The following AKAP19 variants were observed in gnomAD, a reference collection of about 807,000 sequenced individuals.
AKAP19 encodes the protein A-kinase anchoring protein 19.
the AKAP19 span, among the ~76,000 whole-genome samples, chr2:190,008,730 G>GCA: frequency 8.3e-3 from 1,002 of 120,672 alleles, 2 homozygotes; most frequent in Non-Finnish European, 0.013. Flanking sequence ...ATGTGCACGT[G>GCA]CACACACACA....
At chr2:190,194,019 G>A in the AKAP19 span, among the ~76,000 whole-genome samples, 4 of 152,060 alleles carry the variant, frequency 2.6e-5, no homozygotes, top group East Asian at 7.7e-4. Context: ...AATTTCTCCT[G>A]TGATTTTCTT....
At chr2:189,923,402 C>T in the AKAP19 span, 2 of 1,613,330 alleles carry the variant, frequency 1.2e-6, no homozygotes, top group African/African-American at 1.3e-5. Context: ...CATTGGGAAT[C>T]TCAACACTCT....
At chr2:189,926,742 G>A in the AKAP19 span, among the ~76,000 whole-genome samples, 10 of 150,106 alleles carry the variant, frequency 6.7e-5, no homozygotes, top group East Asian at 5.9e-4. Flanking sequence ...CACCATGCCC[G>A]GCTAATTTTT....
At chr2:190,202,932 C>A in the AKAP19 span, 1 of 167,054 alleles carries the variant, frequency 6.0e-6, no homozygotes, top group Non-Finnish European at 1.5e-5. Flanking sequence ...AAATTCTCTA[C>A]TTTTGTTGCC....
the AKAP19 span, among the ~76,000 whole-genome samples, chr2:189,949,083 A>T: frequency 1.3e-5 from 2 of 152,064 alleles, no homozygotes; most frequent in Non-Finnish European, 2.9e-5. Context: ...GGCATCCCCC[A>T]CCTCCCAGCA....
At chr2:190,015,402 C>CT in the AKAP19 span, among the ~76,000 whole-genome samples, 1 of 152,212 alleles carries the variant, frequency 6.6e-6, no homozygotes, top group Non-Finnish European at 1.5e-5. Context: ...ACATTGGCCC[C>CT]TTTTAGCCAT....
At chr2:190,041,040 T>C in the AKAP19 span, among the ~76,000 whole-genome samples, 1 of 152,232 alleles carries the variant, frequency 6.6e-6, no homozygotes, top group Non-Finnish European at 1.5e-5. Context: ...TAAAAATTAT[T>C]TTTTCTAGTT....
chr2:190,041,890 A>G, the AKAP19 span, among the ~76,000 whole-genome samples: 1 of 152,094 alleles, frequency 6.6e-6, no homozygotes, highest in African/African-American at 2.4e-5. Flanking sequence ...TGGATTAGCT[A>G]TTTGATGTGC....
the AKAP19 span, among the ~76,000 whole-genome samples, chr2:190,138,627 A>C: frequency 6.6e-6 from 1 of 152,170 alleles, no homozygotes; most frequent in Non-Finnish European, 1.5e-5. Context: ...ATTTATCTGC[A>C]AACCCACTTC....
chr2:189,983,161 G>T, the AKAP19 span, among the ~76,000 whole-genome samples: 2 of 152,148 alleles, frequency 1.3e-5, no homozygotes, highest in Admixed American at 6.5e-5. Context: ...AACCTAATCT[G>T]CTTCCTTATT....
At chr2:190,173,001 G>C in the AKAP19 span, among the ~76,000 whole-genome samples, 1 of 152,012 alleles carries the variant, frequency 6.6e-6, no homozygotes, top group Non-Finnish European at 1.5e-5. Context: ...TGCAATCTCA[G>C]CTACTCCAGA....
the AKAP19 span, among the ~76,000 whole-genome samples, chr2:189,892,364 C>T: frequency 2.6e-5 from 4 of 151,868 alleles, no homozygotes; most frequent in Non-Finnish European, 5.9e-5. Context: ...TTCTCATCTT[C>T]GTGGATTTAT....
At chr2:190,203,058 A>C in the AKAP19 span, 1 of 167,076 alleles carries the variant, frequency 6.0e-6, no homozygotes, top group African/African-American at 2.4e-5. Context: ...CTGCCTTATT[A>C]GTATTAAAAA....
chr2:189,934,392 C>T, the AKAP19 span, among the ~76,000 whole-genome samples: 2 of 151,930 alleles, frequency 1.3e-5, no homozygotes, highest in African/African-American at 4.8e-5. Flanking sequence ...TTGTAATTGG[C>T]CTTTATTCTA....
the AKAP19 span, among the ~76,000 whole-genome samples, chr2:190,157,250 C>T: frequency 2.6e-5 from 4 of 151,900 alleles, no homozygotes; most frequent in Middle Eastern, 3.2e-3. Flanking sequence ...TCTCTTTATG[C>T]CAGTAGATTT....
At chr2:190,200,868 A>AG in the AKAP19 span, 1 of 167,070 alleles carries the variant, frequency 6.0e-6, no homozygotes, top group Non-Finnish European at 1.5e-5. Context: ...GAAAACAAGT[A>AG]GGGGTACCTT....
the AKAP19 span, among the ~76,000 whole-genome samples, chr2:189,987,615 G>T: frequency 6.6e-6 from 1 of 152,202 alleles, no homozygotes; most frequent in Non-Finnish European, 1.5e-5. Context: ...GGCCACAGAA[G>T]ATTATGAACA....
the AKAP19 span, among the ~76,000 whole-genome samples, chr2:189,942,924 G>C: frequency 6.6e-6 from 1 of 152,290 alleles, no homozygotes; most frequent in South Asian, 2.1e-4. Flanking sequence ...TAGGAGCAAA[G>C]GAATGACTGA....
the AKAP19 span, among the ~76,000 whole-genome samples, chr2:189,938,389 T>G: frequency 1.3e-5 from 2 of 151,650 alleles, no homozygotes; most frequent in South Asian, 4.2e-4. Context: ...GGTGTACTAT[T>G]CAGCCATGAA....
Sources: gnomAD v4.1 joint callset for allele counts (sites outside exome capture counted in the v4.1 genomes callset) on GRCh38, gnomAD v4.1.1 for gene constraint, MANE v1.5 for transcripts, NCBI Gene and HGNC (gene_info 2026-07-23, HGNC 2026-07-21) for gene names.